Variants in SOX5 observed in about 807,000 individuals in gnomAD.
SOX5 encodes transcription factor SOX-5.
In SOX5, 9 loss-of-function variants were observed where a neutral mutation model predicts 92.0. That is an observed-to-expected ratio of 0.10 (90% CI 0.06 to 0.17). SOX5 has a LOEUF of 0.17. Among genes scored for constraint, SOX5 ranks in the 10% least tolerant of loss-of-function variants. The pLI is 1.00. For missense variants in SOX5, 642 were observed against 944.5 expected, an observed-to-expected ratio of 0.68 and a Z score of 4.20; for synonymous variants, 344 against 336.3, an observed-to-expected ratio of 1.02 and a Z score of -0.25.
chr12:24,030,007 A>G (rs1955304882), intron 4 of SOX5, among the ~76,000 whole-genome samples: 1 of 151,914 alleles, frequency 6.6e-6, no homozygotes, highest in East Asian at 1.9e-4. Context: ...CTTATGAGGT[A>G]CGTGTTGTTT....
chr12:24,349,284 T>C (rs1953753385), intron 2 of SOX5, among the ~76,000 whole-genome samples: 2 of 152,230 alleles, frequency 1.3e-5, no homozygotes, highest in Admixed American at 6.5e-5. Context: ...TGGTAAAATA[T>C]GCAGAACACA....
intron 2 of SOX5, among the ~76,000 whole-genome samples, chr12:24,291,871 A>G (rs1467349424): frequency 6.6e-6 from 1 of 152,210 alleles, no homozygotes; most frequent in Non-Finnish European, 1.5e-5. Context: ...AGTGTTGCCT[A>G]TATAAAAGGA....
chr12:24,279,072 A>C (rs780496797), intron 2 of SOX5, among the ~76,000 whole-genome samples: 4 of 152,094 alleles, frequency 2.6e-5, no homozygotes, highest in Non-Finnish European at 4.4e-5. Context: ...ATTATAGAAC[A>C]TGAAAAACTT....
chr12:23,728,472 G>C (rs560606917), intron 6 of SOX5, among the ~76,000 whole-genome samples: 1 of 152,250 alleles, frequency 6.6e-6, no homozygotes, highest in African/African-American at 2.4e-5. Context: ...CTCAGGGAAA[G>C]AAATCATACA....
chr12:24,011,036 C>T (rs1952869457), intron 4 of SOX5, among the ~76,000 whole-genome samples: 1 of 151,754 alleles, frequency 6.6e-6, no homozygotes, highest in Non-Finnish European at 1.5e-5. Context: ...AATTGCTAAA[C>T]ACTATTTTTG....
chr12:23,999,156 G>GTGTGTGTA (rs1229542780), intron 4 of SOX5, among the ~76,000 whole-genome samples: 3 of 150,724 alleles, frequency 2.0e-5, no homozygotes, highest in African/African-American at 7.4e-5. Context: ...GTGTGTGTGT[G>GTGTGTGTA]TGTGTGTGTG....
At position 23,895,853 on chromosome 12, in the gene SOX5, A is replaced by T; in HGVS notation, c.210T>A (p.Val70=). 6.2e-7 allele frequency: 1 copy of T among 1,614,146 alleles called. No homozygotes were observed. The highest frequency in any genetic ancestry group is 8.5e-7 in the Non-Finnish European group (1 of 1,179,988). ...CACAAGTCTCTTGCGTCAGCAGAGA[A>T]ACTGGCTGAAATTCCTCAGAGTGAG... ...NKPHSEEFQP[V]SLLTQETCGH... The change falls in exon 2 of 15, where the codon GTT becomes GTA. Residue 70 remains valine (V), a synonymous_variant. Coordinates refer to ENST00000451604, the MANE Select transcript of SOX5 (RefSeq NM_006940.6).
intron 9 of SOX5, among the ~76,000 whole-genome samples, chr12:23,578,143 A>AAAAAAAAAAAAC (rs1321080744): frequency 9.5e-5 from 12 of 126,114 alleles, no homozygotes; most frequent in Non-Finnish European, 1.4e-4. Flanking sequence ...AAAAAAAAAA[A>AAAAAAAAAAAAC]AAAAAAACTA....
At chr12:23,898,537 A>G (rs1308771566) in intron 1 of SOX5, among the ~76,000 whole-genome samples, 1 of 152,218 alleles carries the variant, frequency 6.6e-6, no homozygotes, top group African/African-American at 2.4e-5. Flanking sequence ...AACATCAATT[A>G]TGAAAACTGA....
At chr12:24,314,053 C>A (rs1210728662) in intron 2 of SOX5, among the ~76,000 whole-genome samples, 1 of 152,048 alleles carries the variant, frequency 6.6e-6, no homozygotes, top group Admixed American at 6.6e-5. Flanking sequence ...TGGTTTTGAC[C>A]ACTTCTAACC....
chr12:24,545,789 A>C (rs1300268420), intron 1 of SOX5, among the ~76,000 whole-genome samples: 1 of 152,158 alleles, frequency 6.6e-6, no homozygotes, highest in Non-Finnish European at 1.5e-5. Context: ...CCTAGCTTAG[A>C]GTTGTGGCCC....
At chr12:23,740,740 T>G (rs1475077121) in intron 5 of SOX5, 127 bp downstream of exon 5, 2 of 838,440 alleles carry the variant, frequency 2.4e-6, no homozygotes, top group African/African-American at 3.4e-5. Flanking sequence ...TTTTTGGCCT[T>G]TGAATTTATT....
At chr12:23,576,989 T>G (rs1015792101) in intron 9 of SOX5, among the ~76,000 whole-genome samples, 1 of 150,992 alleles carries the variant, frequency 6.6e-6, no homozygotes, top group Admixed American at 6.6e-5. Context: ...GTAGAAAAAT[T>G]TTTAATCAAA....
intron 4 of SOX5, among the ~76,000 whole-genome samples, chr12:24,211,226 T>C (rs965835480): frequency 6.6e-5 from 10 of 152,214 alleles, no homozygotes; most frequent in Admixed American, 2.0e-4. Context: ...CATTCTCTCC[T>C]TATCAAAGAG....
At chr12:24,068,704 G>GTGTGTGTATATA (rs1444359956) in intron 4 of SOX5, among the ~76,000 whole-genome samples, 2 of 74,322 alleles carry the variant, frequency 2.7e-5, no homozygotes, top group African/African-American at 1.1e-4. Context: ...GTGTGTGTGT[G>GTGTGTGTATATA]TATATATATA....
At chr12:23,898,284 G>A in intron 1 of SOX5, among the ~76,000 whole-genome samples, 1 of 152,120 alleles carries the variant, frequency 6.6e-6, no homozygotes, top group East Asian at 1.9e-4. Context: ...ACAAACGTTA[G>A]CATTTGTGGT....
rs547714381 is a variant in SOX5 at position 23,772,805 on chromosome 12, C to T, written c.482-17081G>A. 1.4e-3 allele frequency among the ~76,000 whole-genome samples: 220 copies of T among 152,280 alleles called. 1 individual carries two copies. Among genetic ancestry groups the T allele is most frequent in the African/African-American group, 5.0e-3 (208 of 41,556 alleles). On this transcript the variant is annotated intron_variant, in intron 3 of 14. Coordinates refer to ENST00000451604, the MANE Select transcript of SOX5 (RefSeq NM_006940.6). The stretch of plus-strand genomic sequence containing the variant: ...GTGAGGTACCTCAATATACTAAATA[C>T]GTTTAGGTGTTTGTCACCATCAACA...
At chr12:24,543,407 C>T (rs1191643404) in intron 1 of SOX5, among the ~76,000 whole-genome samples, 1 of 152,218 alleles carries the variant, frequency 6.6e-6, no homozygotes, top group African/African-American at 2.4e-5. Context: ...CAATATGTGG[C>T]TGGGCATGGT....
chr12:24,368,709 T>C (rs937516488), intron 1 of SOX5: 2 of 152,180 alleles, frequency 1.3e-5, no homozygotes, highest in South Asian at 2.1e-4. Context: ...TTGGATTCCA[T>C]TTGGAAGGTA....
Sources: allele counts gnomAD v4.1 joint callset (sites outside exome capture counted in the v4.1 genomes callset), GRCh38; gene constraint gnomAD v4.1.1; transcripts MANE v1.5; gene names NCBI Gene and HGNC (gene_info 2026-07-23, HGNC 2026-07-21).